TET1: variants seen among roughly 807,000 people sequenced by gnomAD.
TET1 encodes the protein methylcytosine dioxygenase TET1.
A neutral mutation model predicts 148.7 loss-of-function variants in TET1; 13 were observed. That is an observed-to-expected ratio of 0.09 (90% confidence interval 0.06 to 0.14). TET1 has a LOEUF of 0.14. Ranked by LOEUF, TET1 falls within the 10% of genes least tolerant of loss-of-function variation. The pLI is 1.00. For missense variants in TET1, 2,182 were observed against 2,553.8 expected (o/e 0.85, Z 3.14); for synonymous variants, 907 against 937.2 (o/e 0.97, Z 0.59).
chr10:68,610,499 G>C (rs2054191612), intron 3 of TET1, among the ~76,000 whole-genome samples: 1 of 151,292 alleles, frequency 6.6e-6, no homozygotes, highest in Admixed American at 6.6e-5. Flanking sequence ...GCTGAGGTGG[G>C]AGAATTGCTT....
At chr10:68,671,609 A>G (rs1337429814) in intron 7 of TET1, among the ~76,000 whole-genome samples, 2 of 152,158 alleles carry the variant, frequency 1.3e-5, no homozygotes, top group Non-Finnish European at 2.9e-5. Flanking sequence ...CTACAAGAAG[A>G]ATATATGGTA....
At chr10:68,616,630 G>A (rs2795873) in intron 3 of TET1, among the ~76,000 whole-genome samples, 32,503 of 151,898 alleles carry the variant, frequency 0.21, 3,648 homozygotes, top group South Asian at 0.32. Flanking sequence ...CAAACTTTTG[G>A]GCTCACACGA....
At chr10:68,671,955 G>A (rs534267525) in intron 7 of TET1, among the ~76,000 whole-genome samples, 1 of 151,976 alleles carries the variant, frequency 6.6e-6, no homozygotes, top group Non-Finnish European at 1.5e-5. Context: ...TGTTGGTCAG[G>A]GTGGTCTTGA....
rs2053678334 is a variant in TET1 at position 68,572,217 on chromosome 10, AC to A, written c.-120del. 1 of 802,882 alleles carries A rather than the reference AC, an allele frequency of 1.2e-6. No individual in the cohort carries two copies. The highest frequency in any genetic ancestry group is 3.0e-5 in the Admixed American group (1 of 33,290). The allele number at this position is 802,882 out of a possible 1,614,324, so 49.7% of individuals were successfully genotyped here. On this transcript the variant is annotated splice_region_variant and 5_prime_UTR_variant, in exon 2 of 12. Transcript: ENST00000373644. ...TCAGTGTATTCTGTTGTTATTTCAG[AC>A]CAAAACCTTGTGTGACTGAGCTGAA...
intron 6 of TET1, 107 bp from the exon 7 acceptor site, chr10:68,666,938 A>T: frequency 2.0e-6 from 2 of 1,011,246 alleles, no homozygotes; most frequent in Non-Finnish European, 1.4e-6. Context: ...TTTATAAATT[A>T]AGTAAATAAA....
At chr10:68,611,340 A>C (rs1291785599) in intron 3 of TET1, among the ~76,000 whole-genome samples, 1 of 151,888 alleles carries the variant, frequency 6.6e-6, no homozygotes, top group Non-Finnish European at 1.5e-5. Context: ...AGTCAGGTGC[A>C]GTAGCACACT....
At chr10:68,581,632 T>C (rs2053799310) in intron 2 of TET1, among the ~76,000 whole-genome samples, 2 of 152,112 alleles carry the variant, frequency 1.3e-5, no homozygotes, top group South Asian at 4.1e-4. Flanking sequence ...GCTTGAGCCC[T>C]GGCATTGGAG....
rs199844508 is a variant in TET1, at chr10:68,645,346, G to T, written c.2617G>T (p.Val873Phe). Residue 873 changes from valine to phenylalanine, a missense_variant, in exon 4 of 12, where the codon GTT becomes TTT. Around this residue, in one of 11 missense-constraint regions of TET1, gnomAD observed 582 missense variants for 599.5 expected, o/e 0.97. Coordinates refer to ENST00000373644, the MANE Select transcript of TET1 (RefSeq NM_030625.3). ...TAAAGAACCAAAAGATGGATCTCCC[G>T]TTCAACCAAGTCTCTTATCGTTAAT... ...PSKEPKDGSP[V>F]QPSLLSLMKD... is the part of the protein sequence containing the mutation. 11 of 1,613,942 alleles carry T rather than the reference G, an allele frequency of 6.8e-6. No individual in the cohort carries two copies. The East Asian group carries it at 1.1e-4, about 16-fold the overall frequency.
At chr10:68,595,636 A>ATTTTTTTTTTTTTTTTT (rs2053969713) in intron 2 of TET1, among the ~76,000 whole-genome samples, 1 of 47,814 alleles carries the variant, frequency 2.1e-5, no homozygotes, top group Non-Finnish European at 3.4e-5. Context: ...TTTTTTTTTG[A>ATTTTTTTTTTTTTTTTT]GGTGTAGTCT....
intron 3 of TET1, among the ~76,000 whole-genome samples, chr10:68,610,555 A>C (rs1379434251): frequency 6.6e-6 from 1 of 152,070 alleles, no homozygotes; most frequent in Non-Finnish European, 1.5e-5. Context: ...CGCCCACTGC[A>C]CTCCACCCTG....
chr10:68,654,302 T>A (rs1280943712), intron 6 of TET1, among the ~76,000 whole-genome samples: 6 of 151,574 alleles, frequency 4.0e-5, no homozygotes, highest in Admixed American at 3.3e-4. Context: ...GTAAAAAAAA[T>A]CTAAGCAGAG....
chr10:68,574,603 TC>T (rs2053707421), intron 2 of TET1, among the ~76,000 whole-genome samples: 1 of 152,226 alleles, frequency 6.6e-6, no homozygotes, highest in South Asian at 2.1e-4. Flanking sequence ...TAGTTGCATG[TC>T]TTTTTTGGCA....
In TET1 at chr10:68,644,833, A is replaced by G. The variant is rs753506299; in HGVS notation, c.2104A>G (p.Met702Val). The change falls in exon 4 of 12, where the codon ATG (methionine) becomes GTG (valine). Residue 702 changes from methionine to valine, a missense_variant. Transcript: ENST00000373644. ...AAATGTAACTAAAAATGAAGACAGC[A>G]TGACAGGCATCGAGGTGGAGAAGTG... ...VENVTKNEDSMTGIEVEKWTQ... is the reference protein window; with the variant it reads ...VENVTKNEDSVTGIEVEKWTQ... The G allele has an allele frequency of 3.1e-6, 5 of 1,614,040 alleles. No individual in the cohort carries two copies. The South Asian group carries it at 4.4e-5, about 14-fold the overall frequency.
chr10:68,624,620 CTTTCTTTCTTTCTTTCTTTCTTTCTT>C (rs2054428714), intron 3 of TET1, among the ~76,000 whole-genome samples: 3 of 32,364 alleles, frequency 9.3e-5, no homozygotes, highest in African/African-American at 6.0e-4. Flanking sequence ...TTCTTTCTTT[CTTTCTTTCTTTCTTTCTTTCTTTCTT>C]TCTTTCTTTC....
chr10:68,647,306 A>G (rs1224830101), intron 4 of TET1, among the ~76,000 whole-genome samples: 2 of 152,240 alleles, frequency 1.3e-5, no homozygotes, highest in East Asian at 3.8e-4. Context: ...TGCGTAGCAT[A>G]AGAATGAATT....
chr10:68,672,833 A>T, intron 7 of TET1, 62 bp from the exon 8 acceptor site: 3 of 1,470,690 alleles, frequency 2.0e-6, no homozygotes, highest in Non-Finnish European at 2.8e-6. Flanking sequence ...GAAACCTGAA[A>T]TGTTCTCTCT....
intron 3 of TET1, among the ~76,000 whole-genome samples, chr10:68,607,519 G>C (rs976605682): frequency 1.3e-5 from 2 of 151,042 alleles, no homozygotes; most frequent in Non-Finnish European, 2.9e-5. Flanking sequence ...TGCAACCTTT[G>C]CCTCCGGGGT....
intron 1 of TET1, among the ~76,000 whole-genome samples, chr10:68,571,600 A>G (rs1202196485): frequency 1.3e-5 from 2 of 151,120 alleles, no homozygotes; most frequent in African/African-American, 4.9e-5. Flanking sequence ...GGGTTTCACC[A>G]TGTTGGCCAG....
chr10:68,597,406 GA>G (rs1009746672), intron 2 of TET1, among the ~76,000 whole-genome samples: 1 of 151,912 alleles, frequency 6.6e-6, no homozygotes, highest in African/African-American at 2.4e-5. Context: ...AATTAACCTG[GA>G]AAAAAATGTT....
Sources: allele counts gnomAD v4.1 joint callset (sites outside exome capture counted in the v4.1 genomes callset), GRCh38; gene constraint gnomAD v4.1.1; regional missense constraint gnomAD v4.1.1; transcripts MANE v1.5; gene names NCBI Gene and HGNC (gene_info 2026-07-23, HGNC 2026-07-21).